The following SLC2A14 variants were observed in gnomAD, a reference collection of about 807,000 sequenced individuals.
The protein encoded by SLC2A14 is solute carrier family 2, facilitated glucose transporter member 14.
Under a neutral mutation model 43.0 loss-of-function variants are expected in SLC2A14, and 13 were observed. The observed-to-expected ratio is 0.30, with a 90% confidence interval of 0.20 to 0.48. SLC2A14 has a LOEUF of 0.48. Among genes scored for constraint, SLC2A14 ranks in the 20% least tolerant of loss-of-function variants. The probability of loss-of-function intolerance (pLI) is 0.99; values close to 1 mark genes in which losing one functional copy is unlikely to be tolerated. For missense variants in SLC2A14, 428 were observed against 620.4 expected (o/e 0.69, Z 3.29); for synonymous variants, 190 against 233.8 (o/e 0.81, Z 1.71).
intron 2 of SLC2A14, among the ~76,000 whole-genome samples, chr12:7,863,136 C>T (rs374951697): frequency 3.1e-4 from 47 of 152,206 alleles, no homozygotes; most frequent in East Asian, 7.7e-4. Flanking sequence ...TAACTCTCAC[C>T]GCAAAGGTCT....
At chr12:7,873,177 G>A, upstream of SLC2A14, 1 of 985,808 alleles carries the variant, frequency 1.0e-6, no homozygotes, top group South Asian at 4.7e-5. Context: ...ACTCTTTACG[G>A]GGAAACAGTT....
chr12:7,853,683 C>G (rs1456775922), intron 2 of SLC2A14, among the ~76,000 whole-genome samples: 3 of 152,086 alleles, frequency 2.0e-5, no homozygotes, highest in Admixed American at 6.6e-5. Flanking sequence ...GGATGACAGT[C>G]TTACATTTTG....
chr12:7,890,435 G>A (rs746078442), intron 1 of SLC2A14, among the ~76,000 whole-genome samples: 1 of 151,818 alleles, frequency 6.6e-6, no homozygotes, highest in African/African-American at 2.4e-5. Context: ...ATCCCTTCCC[G>A]ACCCCATCCT....
chr12:7,845,373 T>C (rs187472878), intron 2 of SLC2A14, among the ~76,000 whole-genome samples: 1 of 152,290 alleles, frequency 6.6e-6, no homozygotes, highest in Non-Finnish European at 1.5e-5. Flanking sequence ...CACACATTTA[T>C]GTACTATGTA....
chr12:7,869,336 C>A (rs10846078), intron 2 of SLC2A14, among the ~76,000 whole-genome samples: 19,633 of 152,022 alleles, frequency 0.13, 1,490 homozygotes, highest in East Asian at 0.35. Context: ...ACTTAACCAC[C>A]AGATGCTGCC....
At chr12:7,874,812 G>GTATTTATATATAAATTATATATAAATACA (rs1565584707), upstream of SLC2A14, among the ~76,000 whole-genome samples, 6 of 19,208 alleles carry the variant, frequency 3.1e-4, no homozygotes, top group African/African-American at 7.9e-4. Context: ...ATATAAATAC[G>GTATTTATATATAAATTATATATAAATACA]TATTTATATA....
At chr12:7,866,748 A>G (rs1944934933) in intron 2 of SLC2A14, among the ~76,000 whole-genome samples, 1 of 152,160 alleles carries the variant, frequency 6.6e-6, no homozygotes, top group African/African-American at 2.4e-5. Context: ...TTGGTTCATG[A>G]GGTTTAAGGA....
At chr12:7,840,156 G>A (rs1433191307) in intron 2 of SLC2A14, among the ~76,000 whole-genome samples, 12 of 106,082 alleles carry the variant, frequency 1.1e-4, no homozygotes, top group Admixed American at 4.7e-4. Flanking sequence ...CAGAGAGTTT[G>A]CTCCTTTTTT....
chr12:7,839,506 A>G (rs1327774358), intron 2 of SLC2A14, among the ~76,000 whole-genome samples: 1 of 152,112 alleles, frequency 6.6e-6, no homozygotes, highest in Non-Finnish European at 1.5e-5. Flanking sequence ...GTTCTGGTTT[A>G]TATTCCGAAT....
rs1057056365 is a variant in SLC2A14, at chr12:7,813,058, T to A, written c.*1258A>T. On this transcript the variant is annotated 3_prime_UTR_variant, in exon 11 of 11. Transcript: ENST00000431042. Reference sequence around the variant, plus strand: ...GACCACAGTGACATGGTAACAGACATACGCAAGCGTGCCGTGAGCCTAAAG... The same window carrying A: ...GACCACAGTGACATGGTAACAGACAAACGCAAGCGTGCCGTGAGCCTAAAG... The A allele has an allele frequency of 6.6e-6, 1 of 151,602 alleles. No homozygotes were observed. The highest frequency in any genetic ancestry group is 2.4e-5 in the African/African-American group (1 of 41,218). 9.4% of individuals were successfully genotyped at this position (151,602 alleles called of 1,614,324 possible). A position where few individuals can be genotyped will look rare whatever the true frequency, so the allele number is the denominator to read the frequency against.
chr12:7,852,485 T>C (rs2120936924), intron 2 of SLC2A14, among the ~76,000 whole-genome samples: 1 of 152,236 alleles, frequency 6.6e-6, no homozygotes, highest in East Asian at 1.9e-4. Context: ...TTTCAGTAAG[T>C]TTAAAACTTT....
rs1380979730 is a variant in SLC2A14 at position 7,816,249 on chromosome 12, C to T, written c.1275+1582G>A. 1.6e-4 allele frequency among the ~76,000 whole-genome samples: 17 copies of T among 106,694 alleles called. 4 individuals carry two copies. Among genetic ancestry groups the T allele is most frequent in the African/African-American group, 5.3e-4 (14 of 26,192 alleles). 70.0% of individuals were successfully genotyped at this position (106,694 alleles called of 152,430 possible). On this transcript the variant is annotated intron_variant, in intron 10 of 10. Transcript: ENST00000431042. ...CCTCCCGAGTAGCTGGGACTACAGGCGCCCGCCACCGCTCCCGGCTAATTT... is the reference window on the plus strand; with the variant it reads ...CCTCCCGAGTAGCTGGGACTACAGGTGCCCGCCACCGCTCCCGGCTAATTT...
At chr12:7,872,354 C>CT (rs1224127340) in intron 1 of SLC2A14, 3 of 152,234 alleles carry the variant, frequency 2.0e-5, no homozygotes, top group Non-Finnish European at 4.4e-5. Context: ...CCAAGGCTCC[C>CT]TCATTTCATT....
intron 7 of SLC2A14, among the ~76,000 whole-genome samples, chr12:7,825,002 AT>A (rs1378182912): frequency 6.6e-6 from 1 of 151,762 alleles, no homozygotes. Context: ...GCCCAGATTT[AT>A]TTTTTTACAG....
chr12:7,872,776 C>G (rs2121077007), intron 1 of SLC2A14, 31 bp downstream of exon 1: 1 of 985,522 alleles, frequency 1.0e-6, no homozygotes, highest in Non-Finnish European at 1.2e-6. Context: ...TCCCGCACCC[C>G]CCGGCCGCAG....
intron 2 of SLC2A14, among the ~76,000 whole-genome samples, chr12:7,852,979 T>G (rs1394695430): frequency 3.9e-5 from 6 of 152,180 alleles, no homozygotes; most frequent in African/African-American, 1.4e-4. Flanking sequence ...ACATACTCTC[T>G]CTCTCCTTTT....
chr12:7,841,278 TA>T (rs1187244902), intron 2 of SLC2A14, among the ~76,000 whole-genome samples: 1 of 152,078 alleles, frequency 6.6e-6, no homozygotes, highest in Non-Finnish European at 1.5e-5. Context: ...TTATTGTTAT[TA>T]TTTTTTTCTT....
At chr12:7,842,642 C>T (rs1219101686) in intron 2 of SLC2A14, among the ~76,000 whole-genome samples, 2 of 151,758 alleles carry the variant, frequency 1.3e-5, no homozygotes, top group African/African-American at 2.4e-5. Flanking sequence ...AGGCTACCAC[C>T]CCCCTCCCCC....
At chr12:7,827,427 C>T (rs1324492273) in intron 7 of SLC2A14, 68 bp downstream of exon 7, 22 of 1,544,232 alleles carry the variant, frequency 1.4e-5, no homozygotes, top group South Asian at 6.3e-5. Context: ...AGAGGCACAC[C>T]GCCACCATGC....
Sources: gnomAD v4.1 joint callset for allele counts (sites outside exome capture counted in the v4.1 genomes callset) on GRCh38, gnomAD v4.1.1 for gene constraint, MANE v1.5 for transcripts, NCBI Gene and HGNC (gene_info 2026-07-23, HGNC 2026-07-21) for gene names.